SLC3A2: variants seen among roughly 807,000 people sequenced by gnomAD.
SLC3A2 encodes amino acid transporter heavy chain SLC3A2.
In SLC3A2, 32 loss-of-function variants were observed where a neutral mutation model predicts 48.5. The observed-to-expected ratio is 0.66, with a 90% CI of 0.50 to 0.89. The LOEUF is 0.89. Ranked by LOEUF, SLC3A2 falls within the 40% of genes least tolerant of loss-of-function variation. The pLI is 0.00. For synonymous variants in SLC3A2, 277 were observed against 288.8 expected, an observed-to-expected ratio of 0.96 and a Z score of 0.41; for missense variants, 587 against 680.7, an observed-to-expected ratio of 0.86 and a Z score of 1.53.
chr11:62,880,281 G>T (rs1486347909), upstream of SLC3A2: 1 of 152,258 alleles, frequency 6.6e-6, no homozygotes, highest in East Asian at 1.9e-4. Context: ...GTATTGTAGT[G>T]AGTACACAAT....
rs200548868 is a variant in SLC3A2 at position 62,882,455 on chromosome 11, T to TC, written c.598+390dup. ...GGGAGTGGGGAACACAGGGGCCACT[T>TC]CTCTGCACTATAAACTTTCTGCCTT... On this transcript the variant is annotated intron_variant, in intron 2 of 8. Transcript: ENST00000338663. 156 of 261,608 alleles carry TC rather than the reference T, an allele frequency of 6.0e-4. 2 individuals are homozygous for TC. In the East Asian group the frequency reaches 0.014, roughly 24 times the overall value. 16.2% of individuals were successfully genotyped at this position (261,608 alleles called of 1,614,324 possible).
chr11:62,856,135 G>C (rs551619977), upstream of SLC3A2: 4 of 663,640 alleles, frequency 6.0e-6, no homozygotes, highest in East Asian at 5.6e-5. Flanking sequence ...TTCTCACCCA[G>C]TGCATGTGGC....
chr11:62,856,448 C>A, intron 1 of SLC3A2: 2 of 1,398,072 alleles, frequency 1.4e-6, no homozygotes, highest in South Asian at 2.4e-5. Context: ...GAAAGTATGT[C>A]AGGACGTAAG....
chr11:62,882,052 C>G lies in SLC3A2; in HGVS notation c.584C>G (p.Ser195Trp), dbSNP rs1168689295. The G allele has an allele frequency of 6.2e-7, 1 of 1,613,618 alleles. No individual in the cohort carries two copies. The highest frequency in any genetic ancestry group is 8.5e-7 in the Non-Finnish European group (1 of 1,179,900). ...SKEDFDSLLQ[S>W]AKKKSIRVIL... The stretch of plus-strand genomic sequence containing the variant: ...GAAGATTTTGACAGTCTCTTGCAAT[C>G]GGCTAAAAAAAAGAGTGGGTATCCT... Residue 195 changes from serine (S) to tryptophan (W), a missense_variant, in exon 2 of 9, where the codon TCG (serine) becomes TGG (tryptophan). Ser to Trp is a radical substitution (Grantham distance 177). Coordinates refer to ENST00000338663, the MANE Select transcript of SLC3A2 (RefSeq NM_001013251.3).
rs902484622 is a variant in SLC3A2 at position 62,884,185 on chromosome 11, T to C, written c.691-272T>C. The C allele has an allele frequency of 7.0e-6, 4 of 571,650 alleles. No individual in the cohort carries two copies. The Admixed American group carries it at 1.1e-4, about 16-fold the overall frequency. The allele number at this position is 571,650 out of a possible 1,614,324, so 35.4% of individuals were successfully genotyped here. ...GACATACCTTTTCTCTGGGGCCTTT[T>C]CTGTGGCTTTCAAAGTTGAAGCTGT... On this transcript the variant is annotated intron_variant, in intron 3 of 8. Transcript: ENST00000338663.
chr11:62,886,991 G>C (rs1000336929), intron 7 of SLC3A2, among the ~76,000 whole-genome samples: 3 of 151,942 alleles, frequency 2.0e-5, no homozygotes, highest in African/African-American at 7.3e-5. Flanking sequence ...TCCCACCTTG[G>C]CCTCCCAAAC....
At chr11:62,858,433 T>C (rs1039846663) in intron 1 of SLC3A2, among the ~76,000 whole-genome samples, 7 of 152,266 alleles carry the variant, frequency 4.6e-5, no homozygotes, top group South Asian at 2.1e-4. Flanking sequence ...TTAAAATTTT[T>C]TGGCCGGGCG....
intron 7 of SLC3A2, among the ~76,000 whole-genome samples, chr11:62,886,225 G>A (rs1303428342): frequency 6.6e-6 from 1 of 151,966 alleles, no homozygotes; most frequent in African/African-American, 2.4e-5. Context: ...GGAGGCAGAG[G>A]TTGCAGTGAA....
rs998073551 is a variant in SLC3A2 at position 62,881,454 on chromosome 11, G to T, written c.424+7G>T. On this transcript the variant is annotated splice_region_variant and intron_variant, in intron 1 of 8. Coordinates refer to ENST00000338663, the MANE Select transcript of SLC3A2 (RefSeq NM_001013251.3). The surrounding 1 kb of genome is among the most constrained non-coding windows in gnomAD (Gnocchi z 4.0). The stretch of plus-strand genomic sequence containing the variant: ...GGCGCGGGCAACCTGGCGGGTGAGT[G>T]CAGCGCGCCCCCGTCCCGGGTACCT... The T allele has an allele frequency of 2.4e-5, 38 of 1,572,980 alleles. No individual in the cohort carries two copies. The highest frequency in any genetic ancestry group is 3.2e-5 in the Non-Finnish European group (37 of 1,167,620).
intron 1 of SLC3A2, among the ~76,000 whole-genome samples, chr11:62,858,082 G>A (rs1057057847): frequency 6.6e-6 from 1 of 152,164 alleles, no homozygotes; most frequent in Non-Finnish European, 1.5e-5. Flanking sequence ...TTTTAAGTAG[G>A]AAAGTGATAA....
upstream of SLC3A2, among the ~76,000 whole-genome samples, chr11:62,878,795 G>A (rs1380404162): frequency 1.4e-5 from 2 of 145,272 alleles, no homozygotes; most frequent in African/African-American, 2.6e-5. Flanking sequence ...TCTTTTTTGA[G>A]ACAGAGTCTC....
At chr11:62,856,436 G>A in intron 1 of SLC3A2, 3 of 1,464,186 alleles carry the variant, frequency 2.0e-6, no homozygotes, top group Non-Finnish European at 2.8e-6. Context: ...GGGCCATTTC[G>A]GGAAAGTATG....
intron 1 of SLC3A2, among the ~76,000 whole-genome samples, chr11:62,862,070 A>G (rs2085405097): frequency 6.6e-6 from 1 of 152,040 alleles, no homozygotes; most frequent in Non-Finnish European, 1.5e-5. Context: ...TAATCCCAGC[A>G]CTTTGGGAGG....
rs971531925 is a variant in SLC3A2, at chr11:62,881,605, C to G, written c.424+158C>G. On this transcript the variant is annotated intron_variant, in intron 1 of 8. Transcript: ENST00000338663. This position sits in a 1 kb window ranked among gnomAD's most constrained non-coding sequence, Gnocchi z 4.0. ...CCCACCCCCTCCCCGGCACATTGTC[C>G]TTCCCTCCTTTCTTTGAAGAAAGCC... 7 of 1,117,828 alleles carry G rather than the reference C, an allele frequency of 6.3e-6. No individual in the cohort carries two copies. The African/African-American group carries it at 1.1e-4, about 18-fold the overall frequency. The allele number at this position is 1,117,828 out of a possible 1,614,324, so 69.2% of individuals were successfully genotyped here.
At chr11:62,864,619 A>G (rs2085433916) in intron 1 of SLC3A2, among the ~76,000 whole-genome samples, 1 of 150,814 alleles carries the variant, frequency 6.6e-6, no homozygotes, top group Non-Finnish European at 1.5e-5. Flanking sequence ...GGCGCCCACC[A>G]CCAAGTCTGG....
At position 62,881,461 on chromosome 11, in the gene SLC3A2, G is replaced by T. The variant is rs570799637; in HGVS notation, c.424+14G>T. 1.9e-6 allele frequency: 3 copies of T among 1,563,942 alleles called. No homozygotes were observed. Among genetic ancestry groups the T allele is most frequent in the South Asian group, 2.3e-5 (2 of 86,276 alleles). On this transcript the variant is annotated intron_variant, in intron 1 of 8. Coordinates refer to ENST00000338663, the MANE Select transcript of SLC3A2 (RefSeq NM_001013251.3). This position sits in a 1 kb window ranked among gnomAD's most constrained non-coding sequence, Gnocchi z 4.0. ...GCAACCTGGCGGGTGAGTGCAGCGC[G>T]CCCCCGTCCCGGGTACCTCCGGTTG... is the stretch of plus-strand genomic sequence containing the variant.
chr11:62,884,163 A>C, intron 3 of SLC3A2: 1 of 547,028 alleles, frequency 1.8e-6, no homozygotes, highest in Non-Finnish European at 3.4e-6. Flanking sequence ...GTTTATGGAC[A>C]TACCTTTTCT....
chr11:62,869,036 C>A (rs190727343), intron 1 of SLC3A2, among the ~76,000 whole-genome samples: 1 of 151,740 alleles, frequency 6.6e-6, no homozygotes, highest in Non-Finnish European at 1.5e-5. Context: ...ATAGCTGGGA[C>A]GACAGGCTTG....
intron 1 of SLC3A2, among the ~76,000 whole-genome samples, chr11:62,862,685 T>C (rs2085414283): frequency 6.6e-6 from 1 of 152,190 alleles, no homozygotes; most frequent in African/African-American, 2.4e-5. Context: ...TTTTTTTCAG[T>C]TTGCCTCTTT....
Sources: gnomAD v4.1 joint callset for allele counts (sites outside exome capture counted in the v4.1 genomes callset) on GRCh38, gnomAD v4.1.1 for gene constraint, Gnocchi (gnomAD v3.1) non-coding constraint, MANE v1.5 for transcripts, NCBI Gene and HGNC (gene_info 2026-07-23, HGNC 2026-07-21) for gene names.